The following ATRN variants were observed in gnomAD, a reference collection of about 807,000 sequenced individuals.
The protein encoded by ATRN is attractin-2.
Under a neutral mutation model 178.7 loss-of-function variants are expected in ATRN, and 54 were observed. That is an observed-to-expected ratio of 0.30 (90% CI 0.24 to 0.38). ATRN has a LOEUF of 0.38. ATRN is among the 10% of genes least tolerant of loss of function. The pLI, the probability that ATRN is intolerant of heterozygous loss-of-function variation, is 1.00. For synonymous variants in ATRN, 636 were observed against 663.0 expected (o/e 0.96, Z 0.63); for missense variants, 1,443 against 1,815.1 (o/e 0.79, Z 3.73).
At chr20:3,631,544 T>A (rs1438780264) in intron 25 of ATRN, among the ~76,000 whole-genome samples, 1 of 152,018 alleles carries the variant, frequency 6.6e-6, no homozygotes, top group African/African-American at 2.4e-5. Flanking sequence ...AATAAGAGAC[T>A]CTCCTCTGCT....
At chr20:3,631,229 C>T (rs1024966224) in intron 25 of ATRN, among the ~76,000 whole-genome samples, 7 of 152,072 alleles carry the variant, frequency 4.6e-5, no homozygotes, top group Admixed American at 6.5e-5. Flanking sequence ...GGATTACCAG[C>T]GTGAGCCACT....
chr20:3,571,003 T>A (rs1039443907), intron 11 of ATRN, among the ~76,000 whole-genome samples: 2 of 152,238 alleles, frequency 1.3e-5, no homozygotes, highest in Non-Finnish European at 2.9e-5. Context: ...GATAAATGGC[T>A]ACATTGTTTG....
intron 21 of ATRN, among the ~76,000 whole-genome samples, chr20:3,596,747 A>C (rs911613414): frequency 6.6e-6 from 1 of 152,184 alleles, no homozygotes; most frequent in African/African-American, 2.4e-5. Flanking sequence ...AGTTGGGGTC[A>C]TCATATTTCG....
chr20:3,487,804 G>A (rs761005949), intron 1 of ATRN, among the ~76,000 whole-genome samples: 12 of 152,180 alleles, frequency 7.9e-5, no homozygotes, highest in South Asian at 2.1e-4. Flanking sequence ...TGTGGGACTC[G>A]TTATGAAGTC....
chr20:3,471,500 C>G lies in ATRN; in HGVS notation c.393C>G (p.His131Gln), dbSNP rs1034283531. 2 of 1,404,080 alleles carry G rather than the reference C, an allele frequency of 1.4e-6. No homozygotes were observed. Among genetic ancestry groups the G allele is most frequent in the African/African-American group, 3.0e-5 (2 of 66,954 alleles). The allele number at this position is 1,404,080 out of a possible 1,614,324, so 87.0% of individuals were successfully genotyped here. A position where few individuals can be genotyped will look rare whatever the true frequency, so the allele number is the denominator to read the frequency against. The change falls in exon 1 of 29, where the codon CAC becomes CAG. Residue 131 changes from histidine to glutamine, a missense_variant. Physicochemically the swap from His to Gln is conservative, Grantham distance 24. Around this residue, in one of 4 missense-constraint regions of ATRN, gnomAD observed 862 missense variants for 972.1 expected, o/e 0.89. Transcript: ENST00000262919. ...GCTGGGTGGGCGAGCAATGCCAGCA[C>G]TGCGGGGGCCGCTTCAGGTGAGTGG... ...PAGWVGEQCQHCGGRFRLTGS... is the reference protein window; with the variant it reads ...PAGWVGEQCQQCGGRFRLTGS...
intron 1 of ATRN, among the ~76,000 whole-genome samples, chr20:3,491,581 A>G (rs892089099): frequency 6.6e-6 from 1 of 152,024 alleles, no homozygotes; most frequent in African/African-American, 2.4e-5. Flanking sequence ...TGTACCTGAA[A>G]CTCAGATGTT....
At chr20:3,486,289 A>G (rs1181650736) in intron 1 of ATRN, among the ~76,000 whole-genome samples, 1 of 152,094 alleles carries the variant, frequency 6.6e-6, no homozygotes, top group Non-Finnish European at 1.5e-5. Flanking sequence ...CCACTGCCCC[A>G]TTCCCATGCC....
At chr20:3,499,833 T>C (rs1254933417) in intron 1 of ATRN, among the ~76,000 whole-genome samples, 2 of 147,636 alleles carry the variant, frequency 1.4e-5, no homozygotes, top group Non-Finnish European at 3.0e-5. Context: ...AATTGACAAA[T>C]GGGATCTAAT....
At position 3,641,362 on chromosome 20, in the gene ATRN, G is replaced by A. The variant is rs187566606; in HGVS notation, c.4050+2427G>A. ...TCCGAGCACTTTGGGAGGCCGAGGC[G>A]GGCGGATCACTTGAGGTCAGGAGTT... On this transcript the variant is annotated intron_variant, in intron 27 of 28. Transcript: ENST00000262919. 7.2e-5 allele frequency among the ~76,000 whole-genome samples: 11 copies of A among 151,996 alleles called. No homozygotes were observed. The East Asian group carries it at 1.6e-3, about 21-fold the overall frequency.
At chr20:3,553,807 T>C (rs2085822894) in intron 6 of ATRN, among the ~76,000 whole-genome samples, 1 of 152,222 alleles carries the variant, frequency 6.6e-6, no homozygotes, top group African/African-American at 2.4e-5. Context: ...CAGTGTGGTT[T>C]TCCCAGAGAG....
chr20:3,544,900 T>G (rs2146197618), intron 3 of ATRN, among the ~76,000 whole-genome samples: 1 of 152,016 alleles, frequency 6.6e-6, no homozygotes, highest in East Asian at 1.9e-4. Context: ...GAGTGAGGTC[T>G]TAAGAAGAAC....
Position 3,471,151 on chromosome 20 carries a change from GGACGGCGGC to G in ATRN, c.51_59del (p.Thr19_Ala21del). The stretch of plus-strand genomic sequence containing the variant: ...GCAACTGAGGCAAGGCTGAGGAGGA[GGACGGCGGC>G]GACGGCAGCGCTCGCGGGCAGGAGC... On this transcript the variant is annotated inframe_deletion, in exon 1 of 29. Coordinates refer to ENST00000262919, the MANE Select transcript of ATRN (RefSeq NM_139321.3). The G allele has an allele frequency of 6.6e-7, 1 of 1,507,316 alleles. No homozygotes were observed. The highest frequency in any genetic ancestry group is 2.7e-5 in the East Asian group (1 of 36,984). 93.4% of individuals were successfully genotyped at this position (1,507,316 alleles called of 1,614,324 possible).
At chr20:3,517,968 C>G (rs2085229544) in intron 1 of ATRN, among the ~76,000 whole-genome samples, 1 of 152,188 alleles carries the variant, frequency 6.6e-6, no homozygotes, top group Non-Finnish European at 1.5e-5. Context: ...TTTTCAACAT[C>G]TGAAGCATTG....
chr20:3,593,307 G>A (rs1180399243), intron 19 of ATRN, among the ~76,000 whole-genome samples: 1 of 152,118 alleles, frequency 6.6e-6, no homozygotes, highest in Non-Finnish European at 1.5e-5. Context: ...ACTGCAGATG[G>A]CACCAAGTCT....
intron 6 of ATRN, among the ~76,000 whole-genome samples, chr20:3,550,160 T>C (rs1216219689): frequency 6.6e-6 from 1 of 152,186 alleles, no homozygotes; most frequent in African/African-American, 2.4e-5. Context: ...AAACCCCATC[T>C]CTACTAAAAA....
At chr20:3,562,134 GCTTT>G (rs2085961184) in intron 8 of ATRN, 138 bp from the exon 9 acceptor site, 4 of 696,438 alleles carry the variant, frequency 5.7e-6, no homozygotes, top group Non-Finnish European at 9.5e-6. Context: ...GTTTTAGGTG[GCTTT>G]CTTTAAAATA....
chr20:3,607,438 G>T (rs2086690561), intron 24 of ATRN, among the ~76,000 whole-genome samples: 1 of 152,066 alleles, frequency 6.6e-6, no homozygotes, highest in African/African-American at 2.4e-5. Context: ...CATGAGATCA[G>T]TTTTTTTAGC....
Position 3,645,636 on chromosome 20 carries a change from C to T in ATRN, c.4166-1087C>T, listed in dbSNP as rs1042007861. Among the ~76,000 whole-genome samples the T allele has an allele frequency of 2.0e-5, 3 of 152,254 alleles. No individual in the cohort carries two copies. The East Asian group carries it at 5.8e-4, about 29-fold the overall frequency. ...TAAAGGTCTGCTCAATGCTTGAGAC[C>T]CACCCAACAGTGGGGCCGTCCTTGC... On this transcript the variant is annotated intron_variant, in intron 28 of 28. Transcript: ENST00000262919. This position sits in a 1 kb window ranked among gnomAD's most constrained non-coding sequence, Gnocchi z 4.7.
rs760153264 is a variant in ATRN at position 3,638,825 on chromosome 20, C to T, written c.3943-3C>T. The T allele has an allele frequency of 6.2e-7, 1 of 1,613,860 alleles. No individual in the cohort carries two copies. Among genetic ancestry groups the T allele is most frequent in the Non-Finnish European group, 8.5e-7 (1 of 1,179,762 alleles). On this transcript the variant is annotated splice_region_variant and splice_polypyrimidine_tract_variant and intron_variant, in intron 26 of 28. Transcript: ENST00000262919. The surrounding 1 kb of genome is among the most constrained non-coding windows in gnomAD (Gnocchi z 4.5). ...TTAATGGCTTTGCCATATTATTTAT[C>T]AGCAACTTCTTCGAGAGATGCAACA...
Sources: allele counts gnomAD v4.1 joint callset (sites outside exome capture counted in the v4.1 genomes callset), GRCh38; gene constraint gnomAD v4.1.1; regional missense constraint gnomAD v4.1.1; non-coding constraint Gnocchi (gnomAD v3.1); transcripts MANE v1.5; gene names NCBI Gene and HGNC (gene_info 2026-07-23, HGNC 2026-07-21).